Variants in QRICH2 observed in about 807,000 individuals in gnomAD.
QRICH2 encodes glutamine rich 2, also known as glutamine-rich protein 2.
QRICH2 carries 119 observed loss-of-function variants against 168.3 expected under a neutral mutation model. The observed-to-expected ratio is 0.71, with a 90% CI of 0.61 to 0.82. The LOEUF (loss-of-function observed/expected upper bound fraction) is 0.82. Among genes scored for constraint, QRICH2 ranks in the 40% least tolerant of loss-of-function variants. QRICH2 has a pLI of 0.00. For missense variants in QRICH2, 2,241 were observed against 2,491.6 expected, an observed-to-expected ratio of 0.90 and a Z score of 2.14; for synonymous variants, 894 against 951.2, an observed-to-expected ratio of 0.94 and a Z score of 1.11.
At position 76,293,654 on chromosome 17, in the gene QRICH2, C is replaced by T. The variant is rs745570415; in HGVS notation, c.1073G>A (p.Arg358His). 3.1e-5 allele frequency: 50 copies of T among 1,614,080 alleles called. No individual in the cohort carries two copies. In the Admixed American group the frequency reaches 4.5e-4, roughly 15 times the overall value. ...TAAGTCCTGTTGAACTGGACCAGGA[C>T]GTGCATTTCTTCTTGGTTGTGTCGA... is the stretch of plus-strand genomic sequence containing the variant. Reference protein sequence around the residue: ...LTSTQPRRNARPGPVQQDLPL... With the variant: ...LTSTQPRRNAHPGPVQQDLPL... The change falls in exon 4 of 19, where the codon CGT (arginine) becomes CAT (histidine). Residue 358 changes from arginine (R) to histidine (H), a missense_variant. Physicochemically the swap from Arg to His is conservative, Grantham distance 29 (BLOSUM62 0). Coordinates refer to ENST00000680821, the MANE Select transcript of QRICH2 (RefSeq NM_001388453.1).
chr17:76,280,261 AGAGCCCCGCCATGCCCCT>A lies in QRICH2; in HGVS notation c.4626+8_4626+25del, dbSNP rs764014107. 1.8e-5 allele frequency: 29 copies of A among 1,612,328 alleles called. No homozygotes were observed. In the South Asian group the frequency reaches 3.1e-4, roughly 17 times the overall value. On this transcript the variant is annotated splice_region_variant and intron_variant, in intron 11 of 18. Coordinates refer to ENST00000680821, the MANE Select transcript of QRICH2 (RefSeq NM_001388453.1). This position sits in a 1 kb window ranked among gnomAD's most constrained non-coding sequence, Gnocchi z 7.4. Reference sequence around the variant, plus strand: ...TCCTGGGGGCAAGGCTGTGGGATGGAGAGCCCCGCCATGCCCCTGCCTCACCTTGTTGTCCATCTCTGT... The same window carrying A: ...TCCTGGGGGCAAGGCTGTGGGATGGAGCCTCACCTTGTTGTCCATCTCTGT...
chr17:76,308,144 C>G lies in QRICH2; in HGVS notation c.-146G>C. 8.2e-7 allele frequency: 1 copy of G among 1,215,822 alleles called. No homozygotes were observed. Among genetic ancestry groups the G allele is most frequent in the Non-Finnish European group, 1.0e-6 (1 of 979,804 alleles). 75.3% of individuals were successfully genotyped at this position (1,215,822 alleles called of 1,614,324 possible). A position where few individuals can be genotyped will look rare whatever the true frequency, so the allele number is the denominator to read the frequency against. ...GGTCCGGCCGAGTCACTGGACAGAG[C>G]TCCTGCCTCCAGGGAATCTGCGCCT... On this transcript the variant is annotated 5_prime_UTR_variant, in exon 1 of 19. Transcript: ENST00000680821.
chr17:76,291,387 G>C lies in QRICH2; in HGVS notation c.3340C>G (p.Arg1114Gly). ...DSHDSMYPGY[R>G]GPGYLSADQH... ...TCAGCACTTAGATACCCTGGGCCACGATAACCAGGATACATTGAATCATGA... is the reference window on the plus strand; with the variant it reads ...TCAGCACTTAGATACCCTGGGCCACCATAACCAGGATACATTGAATCATGA... Residue 1114 changes from arginine to glycine, a missense_variant, in exon 4 of 19, where the codon CGT (arginine) becomes GGT (glycine). Around this residue, in one of 3 missense-constraint regions of QRICH2, gnomAD observed 2,047 missense variants for 2,303.8 expected, o/e 0.89. Transcript: ENST00000680821. 2 of 1,614,042 alleles carry C rather than the reference G, an allele frequency of 1.2e-6. No individual in the cohort carries two copies. The highest frequency in any genetic ancestry group is 1.7e-5 in the Admixed American group (1 of 60,002).
chr17:76,304,571 C>T (rs1406410194), intron 2 of QRICH2, 46 bp from the exon 3 acceptor site: 2 of 1,375,066 alleles, frequency 1.5e-6, no homozygotes, highest in Non-Finnish European at 1.0e-6. Context: ...TTGATTAATC[C>T]CAAGCAGCTT....
intron 3 of QRICH2, among the ~76,000 whole-genome samples, chr17:76,300,356 A>C (rs1331471669): frequency 6.6e-6 from 1 of 152,148 alleles, no homozygotes; most frequent in African/African-American, 2.4e-5. Context: ...AAGATTGTTG[A>C]GAAGCAAGAG....
At chr17:76,299,280 T>G (rs2143364540) in intron 3 of QRICH2, among the ~76,000 whole-genome samples, 1 of 152,158 alleles carries the variant, frequency 6.6e-6, no homozygotes, top group East Asian at 1.9e-4. Flanking sequence ...TGAGGGCCAT[T>G]TGAAAATGTA....
rs1243878292 is a variant in QRICH2, at chr17:76,275,833, G to A, written c.5468C>T (p.Ala1823Val). The A allele has an allele frequency of 1.9e-6, 3 of 1,606,420 alleles. No individual in the cohort carries two copies. The Admixed American group carries it at 5.0e-5, about 27-fold the overall frequency. Residue 1823 changes from alanine (A) to valine (V), a missense_variant, in exon 18 of 19, where the codon GCT becomes GTT. By Grantham distance (64) the Ala-to-Val change is moderately conservative. This residue lies in a region of QRICH2 where 189 missense variants were observed against 169.3 expected (regional missense o/e 1.12). Coordinates refer to ENST00000680821, the MANE Select transcript of QRICH2 (RefSeq NM_001388453.1). ...AGGGAAGCTACCTGAGGTGTTGCCAGCCGAAATCTGGGCGCTCTGTGGCCG... is the reference window on the plus strand; with the variant it reads ...AGGGAAGCTACCTGAGGTGTTGCCAACCGAAATCTGGGCGCTCTGTGGCCG... ...PSRPQSAQIS[A>V]GNTSVSSRQQ...
Position 76,281,007 on chromosome 17 carries a change from C to G in QRICH2, c.4264-54G>C. 4 of 1,581,878 alleles carry G rather than the reference C, an allele frequency of 2.5e-6. No individual in the cohort carries two copies. Among genetic ancestry groups the G allele is most frequent in the Non-Finnish European group, 3.4e-6 (4 of 1,170,548 alleles). ...GGAGGCTGCTGGCGCGATCCCACCC[C>G]CTGCTGCCATAATATTGCTGCCCCA... is the stretch of plus-strand genomic sequence containing the variant. On this transcript the variant is annotated intron_variant, in intron 8 of 18. Coordinates refer to ENST00000680821, the MANE Select transcript of QRICH2 (RefSeq NM_001388453.1). This position sits in a 1 kb window ranked among gnomAD's most constrained non-coding sequence, Gnocchi z 4.4.
At chr17:76,289,053 G>A (rs1298850244) in intron 5 of QRICH2, among the ~76,000 whole-genome samples, 6 of 149,788 alleles carry the variant, frequency 4.0e-5, no homozygotes, top group African/African-American at 1.5e-4. Flanking sequence ...GCAGTGAGCC[G>A]AGATTGCGCC....
chr17:76,287,043 AACAC>A (rs56258903), intron 7 of QRICH2, 145 bp downstream of exon 7: 4,411 of 199,266 alleles, frequency 0.022, 2 homozygotes, highest in South Asian at 0.033. Flanking sequence ...CACACCACAT[AACAC>A]ACACACACAC....
rs766489958 is a variant in QRICH2 at position 76,274,176 on chromosome 17, G to T, written c.5567C>A (p.Ala1856Glu). The T allele has an allele frequency of 1.3e-6, 2 of 1,584,728 alleles. No homozygotes were observed. Among genetic ancestry groups the T allele is most frequent in the Non-Finnish European group, 1.7e-6 (2 of 1,170,720 alleles). Reference sequence around the variant, plus strand: ...CCTCTCCAGCCCCCTGTTTGCCACCGCGGCGGAGCTGGGCGGGTGGGCTGT... The same window carrying T: ...CCTCTCCAGCCCCCTGTTTGCCACCTCGGCGGAGCTGGGCGGGTGGGCTGT... ...PNTAHPPSSA[A>E]VANRGLERHV... Residue 1856 changes from alanine to glutamate, a missense_variant, in exon 19 of 19, where the codon GCG becomes GAG. Around this residue, in one of 3 missense-constraint regions of QRICH2, gnomAD observed 189 missense variants for 169.3 expected, o/e 1.12. Transcript: ENST00000680821.
chr17:76,277,201 C>A lies in QRICH2; in HGVS notation c.5227G>T (p.Gly1743Cys), dbSNP rs140269579. 1 of 1,602,874 alleles carries A rather than the reference C, an allele frequency of 6.2e-7. No homozygotes were observed. The highest frequency in any genetic ancestry group is 1.1e-5 in the South Asian group (1 of 89,748). ...HRSRPQHLPR[G>C]LYPTEEIQIA... ...TGGATCTCTTCAGTAGGATACAGGCCCCGGGGAAGGTGCTGCGGGCGGCTG... is the reference window on the plus strand; with the variant it reads ...TGGATCTCTTCAGTAGGATACAGGCACCGGGGAAGGTGCTGCGGGCGGCTG... Residue 1743 changes from glycine to cysteine, a missense_variant, in exon 16 of 19, where the codon GGC (glycine) becomes TGC (cysteine). Physicochemically the swap from Gly to Cys is radical, Grantham distance 159. Around this residue, in one of 3 missense-constraint regions of QRICH2, gnomAD observed 2,047 missense variants for 2,303.8 expected, o/e 0.89. Transcript: ENST00000680821.
Position 76,292,626 on chromosome 17 carries a change from C to A in QRICH2, c.2101G>T (p.Val701Leu). Residue 701 changes from valine (V) to leucine (L), a missense_variant, in exon 4 of 19, where the codon GTG becomes TTG. By Grantham distance (32) the Val-to-Leu change is conservative (BLOSUM62 1). Transcript: ENST00000680821. ...VQPGADQIDV[V>L]QPGADQHGLV... ...CCATGCTGATCTGCACCAGGTTGCACCACATCAATCTGATCTGCACCAGGT... is the reference window on the plus strand; with the variant it reads ...CCATGCTGATCTGCACCAGGTTGCAACACATCAATCTGATCTGCACCAGGT... 6.2e-7 allele frequency: 1 copy of A among 1,613,674 alleles called. No individual in the cohort carries two copies. The highest frequency in any genetic ancestry group is 1.1e-5 in the South Asian group (1 of 91,076).
chr17:76,291,080 T>G lies in QRICH2; in HGVS notation c.3647A>C (p.Asp1216Ala). Residue 1216 changes from aspartate (D) to alanine (A), a missense_variant, in exon 4 of 19, where the codon GAT becomes GCT. Asp to Ala is a moderately radical substitution (Grantham distance 126, BLOSUM62 -2). Around this residue, in one of 3 missense-constraint regions of QRICH2, gnomAD observed 2,047 missense variants for 2,303.8 expected, o/e 0.89. Coordinates refer to ENST00000680821, the MANE Select transcript of QRICH2 (RefSeq NM_001388453.1). ...LYVGLKESMK[D>A]LDEEQAGQTD... is the part of the protein sequence containing the mutation. The stretch of plus-strand genomic sequence containing the variant: ...TTGGCCGGCCTGCTCCTCATCCAGA[T>G]CCTTCATACTCTCCTTTAGCCCCAC... 6.2e-7 allele frequency: 1 copy of G among 1,614,148 alleles called. No homozygotes were observed. Among genetic ancestry groups the G allele is most frequent in the Non-Finnish European group, 8.5e-7 (1 of 1,180,034 alleles).
chr17:76,300,673 C>T (rs1227345944), intron 3 of QRICH2, among the ~76,000 whole-genome samples: 1 of 152,134 alleles, frequency 6.6e-6, no homozygotes, highest in African/African-American at 2.4e-5. Flanking sequence ...TCAATCCCAG[C>T]ACTATGGGAG....
In QRICH2 at chr17:76,282,120, G is replaced by A. The variant is rs556977900; in HGVS notation, c.4012-5C>T. On this transcript the variant is annotated splice_region_variant and splice_polypyrimidine_tract_variant and intron_variant, in intron 7 of 18. Coordinates refer to ENST00000680821, the MANE Select transcript of QRICH2 (RefSeq NM_001388453.1). The stretch of plus-strand genomic sequence containing the variant: ...GATCATCCTGAGCTTGTCCAACTGC[G>A]TGCAGGAGAGACGGCAGCAGCAGGG... The A allele has an allele frequency of 1.5e-5, 24 of 1,594,108 alleles. No individual in the cohort carries two copies. Among genetic ancestry groups the A allele is most frequent in the Admixed American group, 3.4e-5 (2 of 59,586 alleles).
chr17:76,290,087 G>A lies in QRICH2; in HGVS notation c.3713-10C>T. On this transcript the variant is annotated splice_polypyrimidine_tract_variant and intron_variant, in intron 4 of 18. Transcript: ENST00000680821. ...GGTATGGTCCTTTTGACTATGGAAA[G>A]CAGAAGCCTTATGATCAGAGGGGTT... 1 of 1,606,674 alleles carries A rather than the reference G, an allele frequency of 6.2e-7. No individual in the cohort carries two copies. The highest frequency in any genetic ancestry group is 1.3e-5 in the African/African-American group (1 of 74,816).
chr17:76,291,799 T>C lies in QRICH2; in HGVS notation c.2928A>G (p.Ala976=). 1 of 1,614,182 alleles carries C rather than the reference T, an allele frequency of 6.2e-7. No homozygotes were observed. The highest frequency in any genetic ancestry group is 8.5e-7 in the Non-Finnish European group (1 of 1,180,004). The change falls in exon 4 of 19, where the codon GCA becomes GCG. Residue 976 remains alanine, a synonymous_variant. Coordinates refer to ENST00000680821, the MANE Select transcript of QRICH2 (RefSeq NM_001388453.1). ...CTGGTGCTATCAAGCCTGGCTGATA[T>C]GCACCAGGTTGTCTCAAACCATACT... ...MDQYGLRQPG[A]YQPGLIAPGT... is the part of the protein sequence containing the mutation.
intron 3 of QRICH2, among the ~76,000 whole-genome samples, chr17:76,303,724 T>C (rs961128824): frequency 2.0e-5 from 3 of 151,326 alleles, no homozygotes; most frequent in African/African-American, 7.3e-5. Context: ...CAAAAAGAAA[T>C]TAGCCAGGCG....
Sources: gnomAD v4.1 joint callset for allele counts (sites outside exome capture counted in the v4.1 genomes callset) on GRCh38, gnomAD v4.1.1 for gene constraint, gnomAD v4.1.1 regional missense constraint, Gnocchi (gnomAD v3.1) non-coding constraint, MANE v1.5 for transcripts, NCBI Gene and HGNC (gene_info 2026-07-23, HGNC 2026-07-21) for gene names.